The following PSIP1 variants were observed in gnomAD, a reference collection of about 807,000 sequenced individuals.
PSIP1 encodes PC4 and SRSF1 interacting protein 1.
Under a neutral mutation model 74.7 loss-of-function variants are expected in PSIP1, and 19 were observed. The ratio of observed to expected loss-of-function variants is 0.25; its 90% CI spans 0.18 to 0.37. The LOEUF (loss-of-function observed/expected upper bound fraction) is 0.37. Ranked by LOEUF, PSIP1 falls within the 10% of genes least tolerant of loss-of-function variation. The pLI is 1.00. For missense variants in PSIP1, 601 were observed against 614.3 expected (o/e 0.98, Z 0.23); for synonymous variants, 222 against 195.3 (o/e 1.14, Z -1.14).
intron 3 of PSIP1, among the ~76,000 whole-genome samples, chr9:15,495,832 AG>A (rs2037048958): frequency 6.6e-6 from 1 of 152,184 alleles, no homozygotes; most frequent in African/African-American, 2.4e-5. Flanking sequence ...GCCTTCACTA[AG>A]TTTCTCTGGC....
intron 8 of PSIP1, among the ~76,000 whole-genome samples, chr9:15,475,075 A>G (rs548111553): frequency 1.3e-5 from 2 of 152,270 alleles, no homozygotes; most frequent in African/African-American, 4.8e-5. Context: ...CTCAATTCCA[A>G]ATCCATTAAC....
rs747569665 is a variant in PSIP1 at position 15,510,110 on chromosome 9, C to A, written c.72+7G>T. On this transcript the variant is annotated splice_region_variant and intron_variant, in intron 2 of 15. Transcript: ENST00000380733. ...ACTGCTAAGCGCGAGGGCTACAAAT[C>A]ACTTACTCGAGCTGGCCAATGGGGA... 2 of 1,601,916 alleles carry A rather than the reference C, an allele frequency of 1.2e-6. No homozygotes were observed. The highest frequency in any genetic ancestry group is 8.5e-7 in the Non-Finnish European group (1 of 1,174,030).
rs886629977 is a variant in PSIP1, at chr9:15,510,302, G to A, written c.-114C>T. 2.5e-5 allele frequency: 19 copies of A among 761,238 alleles called. 1 individual carries two copies. The East Asian group carries it at 2.5e-4, about 10-fold the overall frequency. 47.2% of individuals were successfully genotyped at this position (761,238 alleles called of 1,614,324 possible). On this transcript the variant is annotated 5_prime_UTR_variant, in exon 2 of 16. Coordinates refer to ENST00000380733, the MANE Select transcript of PSIP1 (RefSeq NM_033222.5). ...GCTACCGGGCCCGCGGGCGGGGGAG[G>A]ATGCCTCGGGGCGTCCCGACGCGCC... is the stretch of plus-strand genomic sequence containing the variant.
chr9:15,472,191 TG>T, intron 10 of PSIP1: 1 of 987,148 alleles, frequency 1.0e-6, no homozygotes, highest in Non-Finnish European at 1.2e-6. Flanking sequence ...ACTGGCTTCC[TG>T]GGTTTCCAAA....
chr9:15,480,802 C>T (rs557956629), intron 6 of PSIP1, among the ~76,000 whole-genome samples: 2 of 152,192 alleles, frequency 1.3e-5, no homozygotes, highest in South Asian at 4.2e-4. Flanking sequence ...CACCTATAAT[C>T]CCAGCTACAT....
rs969332218 is a variant in PSIP1 at position 15,466,688 on chromosome 9, CTG to C, written c.1532+58_1532+59del. 8 of 1,333,444 alleles carry C rather than the reference CTG, an allele frequency of 6.0e-6. No individual in the cohort carries two copies. In the Admixed American group the frequency reaches 6.5e-5, roughly 11 times the overall value. The allele number at this position is 1,333,444 out of a possible 1,614,324, so 82.6% of individuals were successfully genotyped here. A position where few individuals can be genotyped will look rare whatever the true frequency, so the allele number is the denominator to read the frequency against. On this transcript the variant is annotated intron_variant, in intron 15 of 15. Coordinates refer to ENST00000380733, the MANE Select transcript of PSIP1 (RefSeq NM_033222.5). ...ATAGTAAGATAACCTTGGAACAGAA[CTG>C]TGATTAAAAACCTGAATAATAAAAA...
rs763000735 is a variant in PSIP1 at position 15,468,692 on chromosome 9, G to T, written c.1358C>A (p.Ala453Glu). ...SLAEQRQHEEANKTKDQGKKG... is the reference protein window; with the variant it reads ...SLAEQRQHEEENKTKDQGKKG... ...CTTCCCTTGATCTTTGGTTTTATTC[G>T]CTTCCTCATGCTGTCTTTGTTCAGC... Residue 453 changes from alanine (A) to glutamate (E), a missense_variant, in exon 14 of 16, where the codon GCG becomes GAG. This residue lies in a region of PSIP1 where 538 missense variants were observed against 507.6 expected (regional missense o/e 1.06). Coordinates refer to ENST00000380733, the MANE Select transcript of PSIP1 (RefSeq NM_033222.5). 1 of 1,613,616 alleles carries T rather than the reference G, an allele frequency of 6.2e-7. No individual in the cohort carries two copies.
At position 15,488,728 on chromosome 9, in the gene PSIP1, T is replaced by C. The variant is rs374470293; in HGVS notation, c.288+1258A>G. On this transcript the variant is annotated intron_variant, in intron 4 of 15. Transcript: ENST00000380733. ...GGTGAAACCCCGTCTCTACTAAAAA[T>C]ACAAAAAATTAGGCTGGACACAGTG... Among the ~76,000 whole-genome samples the C allele has an allele frequency of 3.1e-4, 47 of 151,796 alleles. No individual in the cohort carries two copies. The East Asian group carries it at 8.4e-3, about 27-fold the overall frequency.
chr9:15,478,710 C>T (rs1375952682), intron 7 of PSIP1, among the ~76,000 whole-genome samples, 158 bp from the exon 8 acceptor site: 1 of 152,064 alleles, frequency 6.6e-6, no homozygotes, highest in East Asian at 1.9e-4. Flanking sequence ...ACCTCCCCCA[C>T]CATGGTTAAA....
chr9:15,509,751 T>G (rs949289417), intron 2 of PSIP1, among the ~76,000 whole-genome samples: 1 of 152,264 alleles, frequency 6.6e-6, no homozygotes, highest in Non-Finnish European at 1.5e-5. Flanking sequence ...TCCATTGATA[T>G]TTTGTACTTG....
intron 4 of PSIP1, among the ~76,000 whole-genome samples, chr9:15,487,210 A>G (rs958676251): frequency 1.3e-5 from 2 of 151,808 alleles, no homozygotes; most frequent in Non-Finnish European, 2.9e-5. Flanking sequence ...AATTAAAAAA[A>G]ACTCCAAGAT....
At chr9:15,473,925 A>T in intron 9 of PSIP1, 84 bp downstream of exon 9, 1 of 794,804 alleles carries the variant, frequency 1.3e-6, no homozygotes, top group East Asian at 3.1e-5. Context: ...CAAAAAAAAA[A>T]ACAAAAAAAA....
chr9:15,510,215 AAGCCCGGGAGGCGGCGAGG>A lies in PSIP1; in HGVS notation c.-46_-28del, dbSNP rs752037000. Reference sequence around the variant, plus strand: ...TTTCGGGGGCGAGACCGGGGGTCCGAAGCCCGGGAGGCGGCGAGGAGATGCGGCGGCGCGGGGATGCGGG... The same window carrying A: ...TTTCGGGGGCGAGACCGGGGGTCCGAAGATGCGGCGGCGCGGGGATGCGGG... On this transcript the variant is annotated 5_prime_UTR_variant, in exon 2 of 16. Transcript: ENST00000380733. 1.3e-6 allele frequency: 2 copies of A among 1,595,762 alleles called. No homozygotes were observed. Among genetic ancestry groups the A allele is most frequent in the South Asian group, 2.2e-5 (2 of 89,214 alleles).
intron 15 of PSIP1, among the ~76,000 whole-genome samples, chr9:15,466,470 T>C (rs1366759208): frequency 6.6e-6 from 1 of 152,258 alleles, no homozygotes; most frequent in Non-Finnish European, 1.5e-5. Context: ...ATGCAAGTCA[T>C]TACTAACAGT....
At chr9:15,471,409 G>A in intron 10 of PSIP1, 1 of 1,491,694 alleles carries the variant, frequency 6.7e-7, no homozygotes, top group Non-Finnish European at 9.0e-7. Flanking sequence ...AAAAGAAACT[G>A]AAATACATAA....
At chr9:15,469,214 A>G in intron 12 of PSIP1, 52 bp downstream of exon 12, 1 of 1,353,194 alleles carries the variant, frequency 7.4e-7, no homozygotes, top group Non-Finnish European at 1.0e-6. Flanking sequence ...AGAAAATAAA[A>G]GATGAAGCTA....
intron 2 of PSIP1, among the ~76,000 whole-genome samples, chr9:15,507,804 G>C (rs999051454): frequency 2.0e-5 from 3 of 152,168 alleles, no homozygotes; most frequent in Admixed American, 1.3e-4. Flanking sequence ...TGCAGAAGAA[G>C]ACCATCAGGA....
chr9:15,496,379 G>C (rs16933329), intron 3 of PSIP1, among the ~76,000 whole-genome samples: 2 of 152,088 alleles, frequency 1.3e-5, no homozygotes, highest in African/African-American at 4.8e-5. Context: ...TGCCATTCCT[G>C]CTTTCTTTGT....
In PSIP1 at chr9:15,465,927, C is replaced by G. The variant is rs530152016; in HGVS notation, c.1533-347G>C. The G allele has an allele frequency of 4.0e-5, 8 of 199,186 alleles. No homozygotes were observed. In the East Asian group the frequency reaches 1.0e-3, roughly 25 times the overall value. The allele number at this position is 199,186 out of a possible 1,614,324, so 12.3% of individuals were successfully genotyped here. A position where few individuals can be genotyped will look rare whatever the true frequency, so the allele number is the denominator to read the frequency against. ...CTGTGATACCAACATATTTCAAAAT[C>G]TTAATAAAAAGAGAGGTTGATACAC... is the stretch of plus-strand genomic sequence containing the variant. On this transcript the variant is annotated intron_variant, in intron 15 of 15. Coordinates refer to ENST00000380733, the MANE Select transcript of PSIP1 (RefSeq NM_033222.5).
Sources: gnomAD v4.1 joint callset for allele counts (sites outside exome capture counted in the v4.1 genomes callset) on GRCh38, gnomAD v4.1.1 for gene constraint, gnomAD v4.1.1 regional missense constraint, MANE v1.5 for transcripts, NCBI Gene and HGNC (gene_info 2026-07-23, HGNC 2026-07-21) for gene names.